SLC24A3: variants seen among roughly 807,000 people sequenced by gnomAD.
SLC24A3 encodes solute carrier family 24 member 3, also known as sodium/potassium/calcium exchanger 3.
A neutral mutation model predicts 75.8 loss-of-function variants in SLC24A3; 28 were observed. The ratio of observed to expected loss-of-function variants is 0.37; its 90% CI spans 0.27 to 0.51. The LOEUF (loss-of-function observed/expected upper bound fraction) is 0.51, where lower values mean the gene tolerates loss of function less well. SLC24A3 is among the 20% of genes least tolerant of loss of function. The pLI is 0.94. For missense variants in SLC24A3, 663 were observed against 847.8 expected (o/e 0.78, Z 2.71); for synonymous variants, 372 against 334.1 (o/e 1.11, Z -1.24).
Position 19,721,466 on chromosome 20 carries a change from T to G in SLC24A3, c.*326T>G, listed in dbSNP as rs2033104227. Reference sequence around the variant, plus strand: ...ACTGGCCTGAGCCAGGCAACACTGATTCCAATCCCTCCTCCTTTTTTAAGT... The same window carrying G: ...ACTGGCCTGAGCCAGGCAACACTGAGTCCAATCCCTCCTCCTTTTTTAAGT... On this transcript the variant is annotated 3_prime_UTR_variant, in exon 17 of 17. Transcript: ENST00000328041. 1 of 253,196 alleles carries G rather than the reference T, an allele frequency of 3.9e-6. No individual in the cohort carries two copies. Among genetic ancestry groups the G allele is most frequent in the African/African-American group, 2.2e-5 (1 of 44,848 alleles). The allele number at this position is 253,196 out of a possible 1,614,324, so 15.7% of individuals were successfully genotyped here.
intron 3 of SLC24A3, among the ~76,000 whole-genome samples, chr20:19,550,685 C>A (rs1015318010): frequency 3.3e-5 from 5 of 152,228 alleles, no homozygotes; most frequent in African/African-American, 1.2e-4. Context: ...CTGTGGCCTA[C>A]TGGACCCTTA....
rs112872367 is a variant in SLC24A3, at chr20:19,408,296, A to T, written c.272-107192A>T. Among the ~76,000 whole-genome samples, 1,280 of 152,260 alleles carry T rather than the reference A, an allele frequency of 8.4e-3. 16 individuals carry two copies. The highest frequency in any genetic ancestry group is 0.029 in the African/African-American group (1,199 of 41,528). ...TAAAAATTCTATAAACATTTTTTTT[A>T]AATCTACATAATGCTTTGCCATTCC... On this transcript the variant is annotated intron_variant, in intron 2 of 16. Transcript: ENST00000328041.
intron 2 of SLC24A3, among the ~76,000 whole-genome samples, chr20:19,421,965 C>T (rs1418622748): frequency 6.6e-6 from 1 of 152,124 alleles, no homozygotes; most frequent in African/African-American, 2.4e-5. Flanking sequence ...ACTGTGGACA[C>T]CGGGAACCTC....
intron 15 of SLC24A3, among the ~76,000 whole-genome samples, chr20:19,714,426 AC>A (rs1555808974): frequency 0.37 from 19,375 of 51,922 alleles, 2,165 homozygotes; most frequent in East Asian, 0.49. Flanking sequence ...AAAAAAAAAA[AC>A]AACAAAAAGA....
At chr20:19,408,206 C>G (rs903037727) in intron 2 of SLC24A3, among the ~76,000 whole-genome samples, 1 of 151,868 alleles carries the variant, frequency 6.6e-6, no homozygotes, top group Non-Finnish European at 1.5e-5. Context: ...CACTAAAGTA[C>G]CAAGTAAAAA....
intron 3 of SLC24A3, among the ~76,000 whole-genome samples, chr20:19,565,499 G>A (rs1370691604): frequency 6.6e-6 from 1 of 152,086 alleles, no homozygotes; most frequent in Non-Finnish European, 1.5e-5. Context: ...TCCACATTCT[G>A]TGCAGGTGAG....
At chr20:19,665,816 TG>T in intron 7 of SLC24A3, 47 bp from the exon 8 acceptor site, 1 of 1,528,460 alleles carries the variant, frequency 6.5e-7, no homozygotes, top group Admixed American at 1.9e-5. Flanking sequence ...TGTGTGTGTG[TG>T]TGTGTGTGTG....
At chr20:19,554,239 T>C (rs900176533) in intron 3 of SLC24A3, among the ~76,000 whole-genome samples, 3 of 152,216 alleles carry the variant, frequency 2.0e-5, no homozygotes, top group East Asian at 1.9e-4. Context: ...ATGGATTCCA[T>C]AGTGAATGAT....
intron 2 of SLC24A3, among the ~76,000 whole-genome samples, chr20:19,327,176 A>T (rs138273876): frequency 5.9e-5 from 9 of 152,152 alleles, no homozygotes; most frequent in African/African-American, 2.2e-4. Flanking sequence ...ATTACTGGAG[A>T]GGTAGATTAC....
chr20:19,375,270 A>G (rs566030145), intron 2 of SLC24A3, among the ~76,000 whole-genome samples: 2 of 152,316 alleles, frequency 1.3e-5, no homozygotes, highest in South Asian at 2.1e-4. Context: ...AAGGCAGGCT[A>G]TGTCCCGATG....
At chr20:19,315,063 T>C (rs1984553200) in intron 2 of SLC24A3, among the ~76,000 whole-genome samples, 1 of 152,250 alleles carries the variant, frequency 6.6e-6, no homozygotes, top group Non-Finnish European at 1.5e-5. Flanking sequence ...CACTTGCTTC[T>C]GAGGCACCCG....
At chr20:19,512,078 C>T (rs1479962776) in intron 2 of SLC24A3, among the ~76,000 whole-genome samples, 6 of 152,214 alleles carry the variant, frequency 3.9e-5, no homozygotes, top group Non-Finnish European at 7.3e-5. Context: ...AGATTGGAGG[C>T]TCTCATTGCC....
At chr20:19,372,881 G>A (rs6112330) in intron 2 of SLC24A3, among the ~76,000 whole-genome samples, 5,067 of 152,202 alleles carry the variant, frequency 0.033, 296 homozygotes, top group African/African-American at 0.12. Context: ...ATTTAATCAG[G>A]TGGCATCAGA....
At chr20:19,709,310 G>A (rs1028162074) in intron 15 of SLC24A3, among the ~76,000 whole-genome samples, 7 of 152,160 alleles carry the variant, frequency 4.6e-5, no homozygotes, top group Non-Finnish European at 8.8e-5. Flanking sequence ...TTGGGAGGCA[G>A]CTGGCACCCA....
rs374877366 is a variant in SLC24A3 at position 19,722,922 on chromosome 20, C to T, written c.*1782C>T. ...ATCCTTCCCAGAGCAGAGTGCATTA[C>T]TTTCTCCCCTGGAAAGCTGTGCATT... On this transcript the variant is annotated 3_prime_UTR_variant, in exon 17 of 17. Coordinates refer to ENST00000328041, the MANE Select transcript of SLC24A3 (RefSeq NM_020689.4). The T allele has an allele frequency of 1.3e-5, 2 of 152,770 alleles. No individual in the cohort carries two copies. The highest frequency in any genetic ancestry group is 4.8e-5 in the African/African-American group (2 of 41,574). The allele number at this position is 152,770 out of a possible 1,614,324, so 9.5% of individuals were successfully genotyped here.
At chr20:19,361,850 C>T (rs1985796855) in intron 2 of SLC24A3, among the ~76,000 whole-genome samples, 1 of 152,128 alleles carries the variant, frequency 6.6e-6, no homozygotes, top group Admixed American at 6.5e-5. Flanking sequence ...AACTTTTATA[C>T]ATATCTTAAA....
At chr20:19,412,571 C>T (rs936372265) in intron 2 of SLC24A3, among the ~76,000 whole-genome samples, 4 of 147,686 alleles carry the variant, frequency 2.7e-5, no homozygotes, top group Non-Finnish European at 4.5e-5. Flanking sequence ...AGGGACAGGA[C>T]GAGGAGAAAG....
chr20:19,276,387 A>T (rs979266320), intron 1 of SLC24A3, among the ~76,000 whole-genome samples: 1 of 152,098 alleles, frequency 6.6e-6, no homozygotes, highest in Admixed American at 6.5e-5. Flanking sequence ...AACAGTGGGG[A>T]TATGTTCTGA....
At chr20:19,484,485 G>T (rs1020591892) in intron 2 of SLC24A3, among the ~76,000 whole-genome samples, 2 of 152,186 alleles carry the variant, frequency 1.3e-5, no homozygotes, top group African/African-American at 4.8e-5. Flanking sequence ...TTGTATATCT[G>T]TACAAGGAAT....
Sources: allele counts gnomAD v4.1 joint callset (sites outside exome capture counted in the v4.1 genomes callset), GRCh38; gene constraint gnomAD v4.1.1; transcripts MANE v1.5; gene names NCBI Gene and HGNC (gene_info 2026-07-23, HGNC 2026-07-21).